Variants in TUSC3 observed in about 807,000 individuals in gnomAD.
TUSC3 encodes dolichyl-diphosphooligosaccharide--protein glycosyltransferase subunit TUSC3.
Under a neutral mutation model 44.8 loss-of-function variants are expected in TUSC3, and 45 were observed. The observed-to-expected ratio is 1.00, with a 90% confidence interval of 0.79 to 1.29. The LOEUF is 1.29. TUSC3 is among the 50% of genes most tolerant of loss of function. The pLI is 0.00. For synonymous variants in TUSC3, 212 were observed against 152.9 expected (o/e 1.39, Z -2.85); for missense variants, 519 against 437.9 (o/e 1.19, Z -1.65).
chr8:15,440,077 C>T (rs1255483274), intron 1 of TUSC3, among the ~76,000 whole-genome samples: 2 of 152,182 alleles, frequency 1.3e-5, no homozygotes, highest in East Asian at 1.9e-4. Context: ...CCCACTTACG[C>T]ATGTGTAACT....
chr8:15,740,970 T>C (rs1428082359), intron 7 of TUSC3, among the ~76,000 whole-genome samples: 1 of 152,110 alleles, frequency 6.6e-6, no homozygotes, highest in East Asian at 1.9e-4. Context: ...TTTAAGCAAT[T>C]CAAATGAGAA....
chr8:15,604,195 A>G (rs1394240196), intron 1 of TUSC3, among the ~76,000 whole-genome samples: 1 of 151,614 alleles, frequency 6.6e-6, no homozygotes, highest in Admixed American at 6.6e-5. Flanking sequence ...ATTTTATTGT[A>G]TGGTTTTTGA....
At chr8:15,430,842 A>T (rs1043066823) in intron 1 of TUSC3, among the ~76,000 whole-genome samples, 2 of 151,782 alleles carry the variant, frequency 1.3e-5, no homozygotes, top group African/African-American at 4.9e-5. Context: ...ATAACAGACA[A>T]ACAGAGAGCC....
At chr8:15,680,316 G>A (rs13277232) in intron 6 of TUSC3, among the ~76,000 whole-genome samples, 31,694 of 151,632 alleles carry the variant, frequency 0.21, 4,206 homozygotes, top group Non-Finnish European at 0.3. Flanking sequence ...GGTTACATGT[G>A]TGCCTAGGTA....
chr8:15,822,253 A>T, the TUSC3 span, among the ~76,000 whole-genome samples: 2 of 152,196 alleles, frequency 1.3e-5, no homozygotes, highest in Non-Finnish European at 2.9e-5. Flanking sequence ...TTGACTATTC[A>T]AGTGGAGAGA....
At chr8:15,832,070 A>G in the TUSC3 span, among the ~76,000 whole-genome samples, 1 of 152,196 alleles carries the variant, frequency 6.6e-6, no homozygotes, top group Non-Finnish European at 1.5e-5. Context: ...TACAAACGGA[A>G]GCCCATCAGA....
chr8:15,677,887 G>C (rs532292560), intron 6 of TUSC3, among the ~76,000 whole-genome samples: 1 of 152,168 alleles, frequency 6.6e-6, no homozygotes. Flanking sequence ...GGCCTCGTCT[G>C]CATAAGCACT....
the TUSC3 span, among the ~76,000 whole-genome samples, chr8:15,779,425 A>T: frequency 6.6e-6 from 1 of 151,972 alleles, no homozygotes. Context: ...TAACCATGTG[A>T]TTAATCAAAC....
intron 2 of TUSC3, among the ~76,000 whole-genome samples, chr8:15,645,505 C>T (rs74483692): frequency 0.018 from 2,730 of 152,222 alleles, 29 homozygotes; most frequent in Middle Eastern, 0.034. Flanking sequence ...ATAGCACCTA[C>T]AGTCTACATT....
At chr8:15,474,360 A>C (rs1420012444) in intron 1 of TUSC3, among the ~76,000 whole-genome samples, 1 of 152,216 alleles carries the variant, frequency 6.6e-6, no homozygotes, top group Non-Finnish European at 1.5e-5. Context: ...TTACAAAGAT[A>C]ACAGGATTAA....
chr8:15,734,828 A>G (rs905489383), intron 7 of TUSC3, among the ~76,000 whole-genome samples: 18 of 152,210 alleles, frequency 1.2e-4, no homozygotes, highest in African/African-American at 4.1e-4. Context: ...TCAAAATGAC[A>G]GCAAATATTC....
At chr8:15,469,100 T>C (rs1800451673) in intron 1 of TUSC3, among the ~76,000 whole-genome samples, 1 of 152,128 alleles carries the variant, frequency 6.6e-6, no homozygotes, top group Non-Finnish European at 1.5e-5. Flanking sequence ...AATGAGCTTC[T>C]CAAGCGATAA....
rs111380837 is a variant in TUSC3 at position 15,763,856 on chromosome 8, G to A, written c.*47-347G>A. ...AGGACATTCAAATGACCCACTTCAC[G>A]CATTTGTTTCAGTCCATTCCCTTGT... is the stretch of plus-strand genomic sequence containing the variant. On this transcript the variant is annotated intron_variant, in intron 10 of 10. Coordinates refer to ENST00000503731, the MANE Select transcript of TUSC3 (RefSeq NM_006765.4). Among the ~76,000 whole-genome samples, 116 of 152,064 alleles carry A rather than the reference G, an allele frequency of 7.6e-4. 1 individual carries two copies. The highest frequency in any genetic ancestry group is 2.8e-3 in the African/African-American group (115 of 41,542).
intron 1 of TUSC3, among the ~76,000 whole-genome samples, chr8:15,606,549 C>G (rs1240802640): frequency 1.3e-5 from 2 of 152,004 alleles, no homozygotes; most frequent in Non-Finnish European, 2.9e-5. Context: ...TAGGCACACA[C>G]AAATTGTGGA....
chr8:15,804,419 C>G, the TUSC3 span, among the ~76,000 whole-genome samples: 1 of 152,236 alleles, frequency 6.6e-6, no homozygotes, highest in South Asian at 2.1e-4. Flanking sequence ...GATGTCCTGA[C>G]TGGTGTTTTT....
At chr8:15,570,953 A>ATTTTTTTTT (rs1491358652) in intron 1 of TUSC3, among the ~76,000 whole-genome samples, 1 of 24,352 alleles carries the variant, frequency 4.1e-5, no homozygotes, top group African/African-American at 8.9e-5. Flanking sequence ...ATTGCCTATT[A>ATTTTTTTTT]GTTTTTTTTT....
chr8:15,602,034 C>T (rs893072769), intron 1 of TUSC3, among the ~76,000 whole-genome samples: 17 of 151,432 alleles, frequency 1.1e-4, no homozygotes, highest in Admixed American at 8.6e-4. Flanking sequence ...TGAAATCTGA[C>T]CCTAAACCCA....
intron 7 of TUSC3, among the ~76,000 whole-genome samples, chr8:15,739,518 G>T (rs1195956830): frequency 6.6e-6 from 1 of 152,038 alleles, no homozygotes; most frequent in Non-Finnish European, 1.5e-5. Flanking sequence ...ATGCTATATT[G>T]TTACTGCATT....
At chr8:15,545,371 C>G (rs1801828293) in intron 1 of TUSC3, among the ~76,000 whole-genome samples, 1 of 151,408 alleles carries the variant, frequency 6.6e-6, no homozygotes, top group Non-Finnish European at 1.5e-5. Context: ...ATTTAAGAAA[C>G]CAAGGTCTTT....
Sources: gnomAD v4.1 joint callset for allele counts (sites outside exome capture counted in the v4.1 genomes callset) on GRCh38, gnomAD v4.1.1 for gene constraint, MANE v1.5 for transcripts, NCBI Gene and HGNC (gene_info 2026-07-23, HGNC 2026-07-21) for gene names.